The following GPC1 variants were observed in gnomAD, a reference collection of about 807,000 sequenced individuals.
GPC1 encodes glypican-1.
In GPC1, 26 loss-of-function variants were observed where a neutral mutation model predicts 51.5. The ratio of observed to expected loss-of-function variants is 0.50; its 90% CI spans 0.37 to 0.70. GPC1 has a LOEUF of 0.70. GPC1 is among the 30% of genes least tolerant of loss of function. The pLI is 0.00. For missense variants in GPC1, 775 were observed against 800.5 expected (o/e 0.97, Z 0.38); for synonymous variants, 380 against 348.3 (o/e 1.09, Z -1.01).
chr2:240,459,308 G>A, intron 2 of GPC1, 120 bp downstream of exon 2: 2 of 991,394 alleles, frequency 2.0e-6, no homozygotes, highest in South Asian at 1.6e-5. Flanking sequence ...AGGAGGTGGG[G>A]GAGTTAGTGC....
chr2:240,439,223 C>T (rs974174378), intron 1 of GPC1, among the ~76,000 whole-genome samples: 6 of 152,154 alleles, frequency 3.9e-5, no homozygotes, highest in South Asian at 2.1e-4. Flanking sequence ...GGCTGGCTCC[C>T]GGCCCAGGAT....
rs377513817 is a variant in GPC1, at chr2:240,464,939, G to A, written c.1098G>A (p.Pro366=). Residue 366 remains proline (P), a synonymous_variant, in exon 6 of 9, where the codon CCG becomes CCA. Transcript: ENST00000264039. ...AGCGGCGCCGGGGCAAGCTGGCCCC[G>A]CGGGAGAGGCCACCTTCAGGCACGC... ...EEKRRRGKLA[P]RERPPSGTLE... is the part of the protein sequence containing the mutation. 22 of 1,551,698 alleles carry A rather than the reference G, an allele frequency of 1.4e-5. No homozygotes were observed. The highest frequency in any genetic ancestry group is 1.2e-4 in the Admixed American group (6 of 51,154).
At chr2:240,444,865 C>T (rs2074039438) in intron 1 of GPC1, among the ~76,000 whole-genome samples, 1 of 152,178 alleles carries the variant, frequency 6.6e-6, no homozygotes, top group African/African-American at 2.4e-5. Context: ...TCCTCAAGAA[C>T]CGGGGCCAGG....
Position 240,466,258 on chromosome 2 carries a change from G to A in GPC1, c.1645G>A (p.Ala549Thr). 1 of 1,609,162 alleles carries A rather than the reference G, an allele frequency of 6.2e-7. No individual in the cohort carries two copies. The highest frequency in any genetic ancestry group is 8.5e-7 in the Non-Finnish European group (1 of 1,176,206). ...TFLLPLLLFLALTVARPRWR is the reference protein window; with the variant it reads ...TFLLPLLLFLTLTVARPRWR The stretch of plus-strand genomic sequence containing the variant: ...CCTCCTGCCCCTCCTCCTCTTCCTG[G>A]CCCTTACAGTAGCCAGGCCCCGGTG... Residue 549 changes from alanine to threonine, a missense_variant, in exon 9 of 9, where the codon GCC becomes ACC. Ala to Thr is a moderately conservative substitution (Grantham distance 58). Coordinates refer to ENST00000264039, the MANE Select transcript of GPC1 (RefSeq NM_002081.3).
intron 1 of GPC1, 98 bp from the exon 2 acceptor site, chr2:240,458,932 C>A: frequency 8.6e-7 from 1 of 1,161,022 alleles, no homozygotes; most frequent in Non-Finnish European, 1.2e-6. Context: ...CTGTGCTCCA[C>A]CCTGGGTCTG....
chr2:240,441,542 C>T (rs564520456), intron 1 of GPC1, among the ~76,000 whole-genome samples: 81 of 152,362 alleles, frequency 5.3e-4, no homozygotes, highest in African/African-American at 1.9e-3. Context: ...TGTCCAGTGT[C>T]GACGTGCCCA....
intron 1 of GPC1, among the ~76,000 whole-genome samples, chr2:240,446,450 C>T (rs2074051327): frequency 6.6e-6 from 1 of 152,232 alleles, no homozygotes. Context: ...GAGTGTGTAG[C>T]TTGTGTGAGT....
At chr2:240,465,697 GTGCCACAGGGGTGTGAC>G (rs772531930) in intron 8 of GPC1, 49 bp downstream of exon 8, 2 of 1,537,794 alleles carry the variant, frequency 1.3e-6, no homozygotes, top group Admixed American at 1.7e-5. Flanking sequence ...GTTGGTGGGG[GTGCCACAGGGGTGTGAC>G]TGCCCTCCGG....
Position 240,463,047 on chromosome 2 carries a change from A to G in GPC1, c.718-300A>G, listed in dbSNP as rs191336083. ...GGGAGGGCGTCAGCCTCAGACCCAC[A>G]TGCCCTGGGTGGGAACTGCCCCCAC... On this transcript the variant is annotated intron_variant, in intron 3 of 8. Transcript: ENST00000264039. Among the ~76,000 whole-genome samples, 1,320 of 152,280 alleles carry G rather than the reference A, an allele frequency of 8.7e-3. 12 individuals are homozygous for G. Among genetic ancestry groups the G allele is most frequent in the Non-Finnish European group, 0.014 (919 of 67,998 alleles).
Position 240,465,204 on chromosome 2 carries a change from G to C in GPC1, c.1262G>C (p.Arg421Thr), listed in dbSNP as rs1193935015. Residue 421 changes from arginine to threonine, a missense_variant, in exon 7 of 9, where the codon AGA (arginine) becomes ACA (threonine). By Grantham distance (71) the Arg-to-Thr change is moderately conservative. Transcript: ENST00000264039. ...SDDRCWNGMA[R>T]GRYLPEVMGD... Reference sequence around the variant, plus strand: ...GACCGCTGCTGGAACGGGATGGCCAGAGGCCGGTAGGTGCCCACCTGGCTG... The same window carrying C: ...GACCGCTGCTGGAACGGGATGGCCACAGGCCGGTAGGTGCCCACCTGGCTG... 3 of 1,606,614 alleles carry C rather than the reference G, an allele frequency of 1.9e-6. No individual in the cohort carries two copies. Among genetic ancestry groups the C allele is most frequent in the Non-Finnish European group, 2.5e-6 (3 of 1,176,480 alleles).
intron 1 of GPC1, among the ~76,000 whole-genome samples, chr2:240,440,018 A>T (rs1347589076): frequency 1.3e-5 from 2 of 151,924 alleles, no homozygotes; most frequent in Non-Finnish European, 2.9e-5. Context: ...CCCCACCCCC[A>T]TCCCATCCCC....
In GPC1 at chr2:240,464,752, G is replaced by A. The variant is rs369117612; in HGVS notation, c.1014+6G>A. 125 of 1,604,706 alleles carry A rather than the reference G, an allele frequency of 7.8e-5. 1 individual carries two copies. In the African/African-American group the frequency reaches 1.5e-3, roughly 19 times the overall value. ...GGGACACGCTCACGGCCAAGGTGCG[G>A]GCAGGAGGACGTGACGAGCACAGCG... On this transcript the variant is annotated splice_donor_region_variant and intron_variant, in intron 5 of 8. Coordinates refer to ENST00000264039, the MANE Select transcript of GPC1 (RefSeq NM_002081.3).
chr2:240,458,227 C>T (rs1186278374), intron 1 of GPC1: 2 of 390,042 alleles, frequency 5.1e-6, no homozygotes, highest in Non-Finnish European at 1.1e-5. Flanking sequence ...ACACCCATTC[C>T]AGGTGGGCCC....
intron 2 of GPC1, among the ~76,000 whole-genome samples, chr2:240,460,848 G>A (rs1045552756): frequency 5.3e-5 from 8 of 152,112 alleles, no homozygotes; most frequent in Non-Finnish European, 1.2e-4. Flanking sequence ...GGCAGCTGCT[G>A]TCCCCTCCCA....
At chr2:240,457,495 C>A (rs62187176) in intron 1 of GPC1, 2 of 469,394 alleles carry the variant, frequency 4.3e-6, no homozygotes, top group Non-Finnish European at 4.4e-6. Flanking sequence ...TGGGTCCCCA[C>A]CCCAGATGGC....
chr2:240,462,166 G>A (rs375030161), intron 2 of GPC1, 25 bp from the exon 3 acceptor site: 239 of 1,536,950 alleles, frequency 1.6e-4, no homozygotes, highest in South Asian at 1.1e-3. Context: ...ACATGGTCCC[G>A]ATCACGCCCC....
Position 240,453,480 on chromosome 2 carries a change from G to A in GPC1, c.167-5550G>A, listed in dbSNP as rs1270857416. Among the ~76,000 whole-genome samples the A allele has an allele frequency of 7.9e-5, 11 of 138,796 alleles. No individual in the cohort carries two copies. The South Asian group carries it at 2.7e-3, about 34-fold the overall frequency. The allele number at this position is 138,796 out of a possible 152,430, so 91.1% of individuals were successfully genotyped here. On this transcript the variant is annotated intron_variant, in intron 1 of 8. Transcript: ENST00000264039. ...CCCGCATCGCCTGCCGCCGCCCCGG[G>A]GCCCCCCTTCCTCTTCCGCCAGGCC...
At chr2:240,445,371 T>C (rs1208558538) in intron 1 of GPC1, among the ~76,000 whole-genome samples, 1 of 152,152 alleles carries the variant, frequency 6.6e-6, no homozygotes, top group Non-Finnish European at 1.5e-5. Flanking sequence ...GTGGGGGTGC[T>C]CTGGTGTTTA....
At chr2:240,455,207 G>A (rs1352958472) in intron 1 of GPC1, among the ~76,000 whole-genome samples, 1 of 152,264 alleles carries the variant, frequency 6.6e-6, no homozygotes, top group South Asian at 2.1e-4. Flanking sequence ...TTTGAGGTGG[G>A]GGATGAATCT....
Sources: allele counts gnomAD v4.1 joint callset (sites outside exome capture counted in the v4.1 genomes callset), GRCh38; gene constraint gnomAD v4.1.1; transcripts MANE v1.5; gene names NCBI Gene and HGNC (gene_info 2026-07-23, HGNC 2026-07-21).